Variants in CDH13 observed in about 807,000 individuals in gnomAD.
CDH13 encodes the protein cadherin-13.
CDH13 carries 24 observed loss-of-function variants against 63.8 expected under a neutral mutation model. The ratio of observed to expected loss-of-function variants is 0.38; its 90% confidence interval spans 0.27 to 0.53. The LOEUF (loss-of-function observed/expected upper bound fraction) is 0.53. CDH13 is among the 20% of genes least tolerant of loss of function. The pLI is 0.85. For missense variants in CDH13, 1,049 were observed against 903.1 expected (o/e 1.16, Z -2.07); for synonymous variants, 503 against 355.3 (o/e 1.42, Z -4.67).
rs566274035 is a variant in CDH13 at position 82,817,260 on chromosome 16, C to G, written c.46-41102C>G. ...TCATAAGCTTCTATCCAGCCCTACA[C>G]CCAGTGGCCATACAGGTCCACCCCT... On this transcript the variant is annotated intron_variant, in intron 1 of 13. Transcript: ENST00000567109. 2.2e-3 allele frequency among the ~76,000 whole-genome samples: 335 copies of G among 152,188 alleles called. 5 individuals are homozygous for G. Among genetic ancestry groups the G allele is most frequent in the African/African-American group, 7.5e-3 (311 of 41,530 alleles).
chr16:83,683,732 C>T (rs1044562737), intron 10 of CDH13, among the ~76,000 whole-genome samples: 1 of 152,132 alleles, frequency 6.6e-6, no homozygotes, highest in African/African-American at 2.4e-5. Flanking sequence ...AGACAAGTCC[C>T]TGAAAATACT....
At chr16:83,743,388 C>G (rs190217662) in intron 10 of CDH13, among the ~76,000 whole-genome samples, 1 of 152,072 alleles carries the variant, frequency 6.6e-6, no homozygotes, top group Middle Eastern at 3.2e-3. Flanking sequence ...CAGGCCTAAC[C>G]GTGCTGAGTA....
intron 6 of CDH13, among the ~76,000 whole-genome samples, chr16:83,457,102 C>G (rs575577755): frequency 6.6e-6 from 1 of 152,108 alleles, no homozygotes. Context: ...AGGATGGAGT[C>G]CAAGCCAAAA....
chr16:82,821,556 T>G (rs1195732685), intron 1 of CDH13, among the ~76,000 whole-genome samples: 1 of 152,176 alleles, frequency 6.6e-6, no homozygotes, highest in Non-Finnish European at 1.5e-5. Flanking sequence ...GCTTGGATGT[T>G]GGGCTTACAA....
intron 4 of CDH13, among the ~76,000 whole-genome samples, chr16:83,185,816 C>T (rs964548376): frequency 1.3e-5 from 2 of 152,194 alleles, no homozygotes; most frequent in Non-Finnish European, 1.5e-5. Flanking sequence ...TCCACATTCT[C>T]CTGCCACTGA....
In CDH13 at chr16:82,715,692, CTG is replaced by C. The variant is rs1395145310; in HGVS notation, c.45+88558_45+88559del. ...TACCTGGGAAATAGCAGAGACCACA[CTG>C]TGGAAGGGGAGACACTCCAGTGCAG... On this transcript the variant is annotated intron_variant, in intron 1 of 13. Transcript: ENST00000567109. 6.6e-5 allele frequency among the ~76,000 whole-genome samples: 10 copies of C among 152,248 alleles called. No individual in the cohort carries two copies. In the East Asian group the frequency reaches 1.9e-3, roughly 29 times the overall value.
intron 3 of CDH13, among the ~76,000 whole-genome samples, chr16:83,109,233 G>T (rs917138304): frequency 2.0e-5 from 3 of 152,176 alleles, no homozygotes; most frequent in Non-Finnish European, 4.4e-5. Context: ...GGAAGGGATG[G>T]ATTCCTGGGA....
intron 1 of CDH13, among the ~76,000 whole-genome samples, chr16:82,779,595 C>T (rs1016933102): frequency 2.6e-5 from 4 of 152,136 alleles, no homozygotes; most frequent in African/African-American, 9.7e-5. Context: ...GAGAGAATGC[C>T]AGGAAAAACC....
intron 6 of CDH13, among the ~76,000 whole-genome samples, chr16:83,410,073 G>A (rs2092104256): frequency 6.6e-6 from 1 of 151,086 alleles, no homozygotes; most frequent in Non-Finnish European, 1.5e-5. Flanking sequence ...TGAGAGTTCG[G>A]GTCCCTGAGA....
intron 7 of CDH13, among the ~76,000 whole-genome samples, chr16:83,561,074 C>T (rs1032136287): frequency 2.0e-5 from 3 of 152,196 alleles, no homozygotes; most frequent in African/African-American, 7.2e-5. Flanking sequence ...ACTCCCAAAC[C>T]AATAAACCAT....
chr16:82,717,715 C>T (rs921294605), intron 1 of CDH13, among the ~76,000 whole-genome samples: 7 of 152,154 alleles, frequency 4.6e-5, no homozygotes, highest in Non-Finnish European at 1.0e-4. Context: ...CCCAGATAAT[C>T]CAAAATAATC....
chr16:83,678,396 T>C lies in CDH13; in HGVS notation c.1473T>C (p.Ser491=), dbSNP rs758609204. 5.0e-6 allele frequency: 8 copies of C among 1,613,886 alleles called. No individual in the cohort carries two copies. Among genetic ancestry groups the C allele is most frequent in the Non-Finnish European group, 5.9e-6 (7 of 1,179,894 alleles). Residue 491 remains serine (S), a synonymous_variant, in exon 10 of 14, where the codon TCT becomes TCC. Coordinates refer to ENST00000567109, the MANE Select transcript of CDH13 (RefSeq NM_001257.5). The part of the protein sequence containing the change: ...PMMVTRQEDL[S]VGSVLLTVNA... ...TGGTGACCAGGCAGGAGGACCTCTC[T>C]GTGGGCAGCGTGCTGCTGACAGTGA... is the stretch of plus-strand genomic sequence containing the variant.
intron 5 of CDH13, among the ~76,000 whole-genome samples, chr16:83,330,632 A>G (rs1400005718): frequency 1.3e-5 from 2 of 152,188 alleles, no homozygotes; most frequent in Non-Finnish European, 2.9e-5. Flanking sequence ...TGAGAGCCAG[A>G]AAAACAGAGG....
At chr16:83,410,419 G>T (rs912754451) in intron 6 of CDH13, among the ~76,000 whole-genome samples, 1 of 152,076 alleles carries the variant, frequency 6.6e-6, no homozygotes, top group African/African-American at 2.4e-5. Flanking sequence ...GAAAATTCAT[G>T]TTGCATTTCT....
intron 2 of CDH13, among the ~76,000 whole-genome samples, chr16:82,964,930 A>C (rs1173840872): frequency 6.6e-6 from 1 of 152,188 alleles, no homozygotes; most frequent in Non-Finnish European, 1.5e-5. Context: ...CAGGGGCCAG[A>C]AGTCCTTCTT....
chr16:82,971,269 G>T (rs1325207038), intron 2 of CDH13, among the ~76,000 whole-genome samples: 1 of 152,172 alleles, frequency 6.6e-6, no homozygotes, highest in African/African-American at 2.4e-5. Flanking sequence ...CAGCCGTTTT[G>T]TTGGCTGCTT....
At chr16:82,965,873 C>T (rs1003212529) in intron 2 of CDH13, among the ~76,000 whole-genome samples, 1 of 152,192 alleles carries the variant, frequency 6.6e-6, no homozygotes, top group South Asian at 2.1e-4. Flanking sequence ...ATACATCACA[C>T]CCATATGGAG....
At chr16:82,692,700 C>T (rs1021628376) in intron 1 of CDH13, among the ~76,000 whole-genome samples, 1 of 152,170 alleles carries the variant, frequency 6.6e-6, no homozygotes, top group African/African-American at 2.4e-5. Flanking sequence ...CCTTAGCAAT[C>T]AGAGGAGAGA....
chr16:82,967,645 G>T (rs1908048786), intron 2 of CDH13, among the ~76,000 whole-genome samples: 1 of 150,428 alleles, frequency 6.6e-6, no homozygotes, highest in Non-Finnish European at 1.5e-5. Flanking sequence ...GGAAAGCCAG[G>T]TCGGAGAACA....
Sources: gnomAD v4.1 joint callset for allele counts (sites outside exome capture counted in the v4.1 genomes callset) on GRCh38, gnomAD v4.1.1 for gene constraint, MANE v1.5 for transcripts, NCBI Gene and HGNC (gene_info 2026-07-23, HGNC 2026-07-21) for gene names.